The following IL33 variants were observed in gnomAD, a reference collection of about 807,000 sequenced individuals.
The protein encoded by IL33 is interleukin 33, also known as interleukin-33.
Under a neutral mutation model 27.3 loss-of-function variants are expected in IL33, and 37 were observed. The observed-to-expected ratio is 1.36, with a 90% CI of 1.04 to 1.78. IL33 has a LOEUF of 1.78. Among genes scored for constraint, IL33 ranks in the 40% most tolerant of loss-of-function variants. The pLI, the probability that IL33 is intolerant of heterozygous loss-of-function variation, is 0.00. For missense variants in IL33, 406 were observed against 311.4 expected (o/e 1.30, Z -2.29); for synonymous variants, 132 against 102.9 (o/e 1.28, Z -1.71).
intron 1 of IL33, among the ~76,000 whole-genome samples, chr9:6,232,656 C>G (rs994326255): frequency 1.1e-4 from 17 of 152,160 alleles, no homozygotes; most frequent in Admixed American, 9.8e-4. Flanking sequence ...GTAGAGAAAG[C>G]CTTTCTAACC....
At chr9:6,254,718 A>G (rs1816629273) in intron 7 of IL33, among the ~76,000 whole-genome samples, 165 bp downstream of exon 7, 1 of 152,122 alleles carries the variant, frequency 6.6e-6, no homozygotes, top group African/African-American at 2.4e-5. Context: ...ACTTGCTTCT[A>G]GAGTAAGGAA....
chr9:6,223,527 T>A (rs1818501358), intron 1 of IL33, among the ~76,000 whole-genome samples: 2 of 151,198 alleles, frequency 1.3e-5, no homozygotes, highest in Admixed American at 1.3e-4. Context: ...AGCACAGGAA[T>A]TTACATATCC....
chr9:6,247,592 T>C (rs1184708841), intron 2 of IL33, among the ~76,000 whole-genome samples: 1 of 152,130 alleles, frequency 6.6e-6, no homozygotes, highest in Non-Finnish European at 1.5e-5. Flanking sequence ...TTTCTTAAAA[T>C]TCATACTAAG....
At chr9:6,246,533 G>T (rs1819868965) in intron 2 of IL33, among the ~76,000 whole-genome samples, 1 of 152,070 alleles carries the variant, frequency 6.6e-6, no homozygotes, top group African/African-American at 2.4e-5. Context: ...CTGCACTCCA[G>T]CCTGACAACA....
In IL33 at chr9:6,254,525, A is replaced by G. The variant is rs1411652437; in HGVS notation, c.584A>G (p.His195Arg). Residue 195 changes from histidine to arginine, a missense_variant, in exon 7 of 8, where the codon CAT becomes CGT. Transcript: ENST00000682010. ...AGTCCTACAAAAGACTTCTGGTTGC[A>G]TGCCAACAACAAGGAACACTCTGTG... ...TLSPTKDFWL[H>R]ANNKEHSVEL... 1 of 1,596,196 alleles carries G rather than the reference A, an allele frequency of 6.3e-7. No homozygotes were observed.
intron 1 of IL33, among the ~76,000 whole-genome samples, chr9:6,226,127 C>A (rs925123507): frequency 2.0e-5 from 3 of 152,132 alleles, no homozygotes; most frequent in Admixed American, 6.5e-5. Flanking sequence ...CCCACCTCAG[C>A]CTCCCCACCA....
At chr9:6,231,131 C>T (rs1304686803) in intron 1 of IL33, among the ~76,000 whole-genome samples, 2 of 152,210 alleles carry the variant, frequency 1.3e-5, no homozygotes, top group African/African-American at 2.4e-5. Context: ...CTCATCCCTT[C>T]CCTCTTATTG....
At chr9:6,216,501 G>A (rs539819243) in intron 1 of IL33, among the ~76,000 whole-genome samples, 6 of 152,266 alleles carry the variant, frequency 3.9e-5, no homozygotes, top group African/African-American at 1.2e-4. Flanking sequence ...TTGGGAGGCC[G>A]AGGTGGGTGA....
chr9:6,225,993 G>C (rs1818608130), intron 1 of IL33, among the ~76,000 whole-genome samples: 2 of 151,858 alleles, frequency 1.3e-5, no homozygotes, highest in South Asian at 4.2e-4. Context: ...AATATATGAA[G>C]ATGTGGATTT....
At chr9:6,222,548 C>CT (rs1455247468) in intron 1 of IL33, among the ~76,000 whole-genome samples, 1 of 152,112 alleles carries the variant, frequency 6.6e-6, no homozygotes, top group Non-Finnish European at 1.5e-5. Flanking sequence ...TCAGTTATTT[C>CT]TGTCGCTATT....
chr9:6,250,961 G>A (rs935297064), intron 3 of IL33, among the ~76,000 whole-genome samples, 179 bp from the exon 4 acceptor site: 1 of 152,098 alleles, frequency 6.6e-6, no homozygotes, highest in African/African-American at 2.4e-5. Flanking sequence ...TCTCTAATGA[G>A]TGTGCTTCTA....
chr9:6,230,094 T>C (rs1818853654), intron 1 of IL33, among the ~76,000 whole-genome samples: 1 of 152,046 alleles, frequency 6.6e-6, no homozygotes, highest in Non-Finnish European at 1.5e-5. Context: ...GTTGGAAAAG[T>C]TGATGGGGCA....
chr9:6,252,898 C>T lies in IL33; in HGVS notation c.376C>T (p.Leu126=), dbSNP rs750974727. 6.2e-7 allele frequency: 1 copy of T among 1,609,022 alleles called. No individual in the cohort carries two copies. The change falls in exon 5 of 8, where the codon CTA becomes TTA. Residue 126 remains leucine, a synonymous_variant. Coordinates refer to ENST00000682010, the MANE Select transcript of IL33 (RefSeq NM_033439.4). ...ACCTATTACAGAGTATCTTGCTTCT[C>T]TAAGCACATACAATGATCAATCCAT... is the stretch of plus-strand genomic sequence containing the variant. ...ISPITEYLAS[L]STYNDQSITF...
intron 5 of IL33, 136 bp from the exon 6 acceptor site, chr9:6,253,416 C>T (rs1816526217): frequency 1.7e-6 from 1 of 578,070 alleles, no homozygotes; most frequent in African/African-American, 1.9e-5. Flanking sequence ...TGAGACCTTT[C>T]TCAAAACCAC....
chr9:6,231,193 A>G (rs1445255507), intron 1 of IL33, among the ~76,000 whole-genome samples: 1 of 152,154 alleles, frequency 6.6e-6, no homozygotes, highest in African/African-American at 2.4e-5. Context: ...AAAAATAAAA[A>G]TCAAATCACA....
intron 2 of IL33, among the ~76,000 whole-genome samples, chr9:6,249,914 T>C (rs1225253945): frequency 1.3e-5 from 2 of 152,224 alleles, no homozygotes; most frequent in African/African-American, 2.4e-5. Flanking sequence ...TCAGTAACCT[T>C]TGTAGACTTC....
intron 1 of IL33, among the ~76,000 whole-genome samples, chr9:6,218,915 T>TATATATATGTTCTCC: frequency 9.0e-6 from 1 of 111,444 alleles, no homozygotes; most frequent in Non-Finnish European, 1.9e-5. Context: ...TATATATATA[T>TATATATATGTTCTCC]ATATATATAT....
intron 2 of IL33, among the ~76,000 whole-genome samples, chr9:6,249,274 T>C (rs1816193529): frequency 6.6e-6 from 1 of 152,204 alleles, no homozygotes; most frequent in Non-Finnish European, 1.5e-5. Context: ...AAAAGCATTA[T>C]TTTAGGAAGG....
chr9:6,218,905 T>TATATATGTTCTCCATAC, intron 1 of IL33, among the ~76,000 whole-genome samples: 1 of 30,022 alleles, frequency 3.3e-5, no homozygotes, highest in Admixed American at 3.0e-4. Context: ...TCTCCATATA[T>TATATATGTTCTCCATAC]ATATATATAT....
Sources: gnomAD v4.1 joint callset for allele counts (sites outside exome capture counted in the v4.1 genomes callset) on GRCh38, gnomAD v4.1.1 for gene constraint, MANE v1.5 for transcripts, NCBI Gene and HGNC (gene_info 2026-07-23, HGNC 2026-07-21) for gene names.